The following SCOC variants were observed in gnomAD, a reference collection of about 807,000 sequenced individuals.
The protein encoded by SCOC is short coiled coil protein.
SCOC carries 7 observed loss-of-function variants against 9.9 expected under a neutral mutation model. The observed-to-expected ratio is 0.71, with a 90% CI of 0.40 to 1.33. SCOC has a LOEUF of 1.33. Among genes scored for constraint, SCOC ranks in the 40% most tolerant of loss-of-function variants. The pLI is 0.01. For missense variants in SCOC, 66 were observed against 89.7 expected (o/e 0.74, Z 1.07); for synonymous variants, 19 against 28.2 (o/e 0.67, Z 1.03).
intron 1 of SCOC, among the ~76,000 whole-genome samples, chr4:140,272,839 C>CG (rs1303074506): frequency 6.6e-6 from 1 of 152,120 alleles, no homozygotes; most frequent in Non-Finnish European, 1.5e-5. Context: ...GGGAAGGCTC[C>CG]GGTCTTCACT....
chr4:140,336,152 G>T (rs567985215), intron 1 of SCOC, among the ~76,000 whole-genome samples: 1 of 152,214 alleles, frequency 6.6e-6, no homozygotes, highest in African/African-American at 2.4e-5. Flanking sequence ...TTCATACTAT[G>T]TAGAGACAGG....
chr4:140,286,483 A>G (rs1731273189), intron 1 of SCOC, among the ~76,000 whole-genome samples: 1 of 152,188 alleles, frequency 6.6e-6, no homozygotes, highest in African/African-American at 2.4e-5. Context: ...GCAGCTTCCA[A>G]CAGATGAGAT....
At chr4:140,290,420 G>C (rs149122074) in intron 1 of SCOC, among the ~76,000 whole-genome samples, 22 of 152,180 alleles carry the variant, frequency 1.4e-4, no homozygotes, top group Non-Finnish European at 2.9e-4. Context: ...TGGGCTCCCT[G>C]TTCATGCAAC....
chr4:140,285,462 C>T (rs568287706), intron 1 of SCOC, among the ~76,000 whole-genome samples: 7 of 152,334 alleles, frequency 4.6e-5, no homozygotes, highest in African/African-American at 1.4e-4. Context: ...GGGCCAGTAT[C>T]TCAAAGACAA....
In SCOC at chr4:140,385,486, T is replaced by C. The variant is rs1040409040; in HGVS notation, c.*4382T>C. 6 of 152,306 alleles carry C rather than the reference T, an allele frequency of 3.9e-5. No individual in the cohort carries two copies. Among genetic ancestry groups the C allele is most frequent in the African/African-American group, 1.4e-4 (6 of 41,574 alleles). 9.4% of individuals were successfully genotyped at this position (152,306 alleles called of 1,614,324 possible). On this transcript the variant is annotated 3_prime_UTR_variant, in exon 4 of 4. Coordinates refer to ENST00000608372, the MANE Select transcript of SCOC (RefSeq NM_001153484.2). Reference sequence around the variant, plus strand: ...TCAGAGATTTTTGGTCATGGAATTGTAGCAACAAAACCTTTTGTAGAAGAG... The same window carrying C: ...TCAGAGATTTTTGGTCATGGAATTGCAGCAACAAAACCTTTTGTAGAAGAG...
chr4:140,359,764 G>T (rs1727382224), intron 2 of SCOC, among the ~76,000 whole-genome samples: 1 of 152,184 alleles, frequency 6.6e-6, no homozygotes, highest in South Asian at 2.1e-4. Context: ...TATGAGTGAG[G>T]CTCCTCAGGG....
chr4:140,271,477 A>G (rs1730844046), intron 1 of SCOC, among the ~76,000 whole-genome samples: 2 of 152,242 alleles, frequency 1.3e-5, no homozygotes, highest in South Asian at 4.1e-4. Flanking sequence ...ATGGATGTGC[A>G]AAAGGTTTGG....
chr4:140,317,854 C>G (rs1180090256), intron 1 of SCOC, among the ~76,000 whole-genome samples: 85 of 111,808 alleles, frequency 7.6e-4, no homozygotes, highest in Middle Eastern at 5.3e-3. Flanking sequence ...CCCCCTCCCC[C>G]CTCCCCACCA....
intron 1 of SCOC, among the ~76,000 whole-genome samples, chr4:140,300,690 C>G (rs1043475250): frequency 6.6e-6 from 1 of 152,240 alleles, no homozygotes; most frequent in African/African-American, 2.4e-5. Context: ...CAGGAAAGCA[C>G]TCACTTTGTT....
intron 1 of SCOC, among the ~76,000 whole-genome samples, chr4:140,275,599 G>A (rs1730960947): frequency 1.3e-5 from 2 of 152,152 alleles, no homozygotes; most frequent in Non-Finnish European, 2.9e-5. Context: ...TAACTTCTAG[G>A]AAGCAATCAG....
chr4:140,261,419 G>C (rs1730630199), intron 1 of SCOC, among the ~76,000 whole-genome samples: 1 of 152,200 alleles, frequency 6.6e-6, no homozygotes, highest in African/African-American at 2.4e-5. Context: ...CACTCTGTAA[G>C]GCATTTGCAG....
At chr4:140,309,334 AC>A (rs1481871235) in intron 1 of SCOC, among the ~76,000 whole-genome samples, 1 of 152,206 alleles carries the variant, frequency 6.6e-6, no homozygotes, top group Non-Finnish European at 1.5e-5. Context: ...AGAATGGAAG[AC>A]CCAAAGACAA....
At chr4:140,323,112 G>A (rs1732547719) in intron 1 of SCOC, among the ~76,000 whole-genome samples, 1 of 152,170 alleles carries the variant, frequency 6.6e-6, no homozygotes, top group Admixed American at 6.5e-5. Flanking sequence ...GATTCCCAGT[G>A]TTGAAGGTGG....
In SCOC at chr4:140,381,248, TAACA is replaced by T; in HGVS notation, c.*145_*148del. The T allele has an allele frequency of 1.4e-6, 1 of 718,482 alleles. No homozygotes were observed. The allele number at this position is 718,482 out of a possible 1,614,324, so 44.5% of individuals were successfully genotyped here. A position where few individuals can be genotyped will look rare whatever the true frequency, so the allele number is the denominator to read the frequency against. ...TCAGATGTAGACAAAAATAACACAATAACAGGAGACTTCCATAAGTTTGTGTATT... is the reference window on the plus strand; with the variant it reads ...TCAGATGTAGACAAAAATAACACAATGGAGACTTCCATAAGTTTGTGTATT... On this transcript the variant is annotated 3_prime_UTR_variant, in exon 4 of 4. Transcript: ENST00000608372.
At chr4:140,371,613 C>T (rs1348505176), upstream of SCOC, among the ~76,000 whole-genome samples, 1 of 152,180 alleles carries the variant, frequency 6.6e-6, no homozygotes, top group Non-Finnish European at 1.5e-5. Context: ...TATTCCTCAC[C>T]AGACATCTTT....
In SCOC at chr4:140,262,232, A is replaced by T. The variant is rs79761566; in HGVS notation, c.-19+4822A>T. ...TAGTGCCTCCGTGTTTGTTTTATTC[A>T]GGAAAAAAATGGAAGGAACTACAGA... On this transcript the variant is annotated intron_variant, in intron 1 of 4. Coordinates refer to the SCOC transcript ENST00000394205. Among the ~76,000 whole-genome samples, 1,282 of 152,296 alleles carry T rather than the reference A, an allele frequency of 8.4e-3. 15 individuals carry two copies. Among genetic ancestry groups the T allele is most frequent in the African/African-American group, 0.029 (1,189 of 41,542 alleles).
chr4:140,371,087 G>A (rs7680403), upstream of SCOC, among the ~76,000 whole-genome samples: 2,658 of 151,884 alleles, frequency 0.018, 77 homozygotes, highest in African/African-American at 0.061. Flanking sequence ...GGGTTTCACC[G>A]TGTTAGCCAG....
At chr4:140,268,835 C>T (rs536057687) in intron 1 of SCOC, among the ~76,000 whole-genome samples, 16 of 152,204 alleles carry the variant, frequency 1.1e-4, no homozygotes, top group South Asian at 1.0e-3. Flanking sequence ...TAGATTACAG[C>T]GGGAGAGAGA....
chr4:140,335,564 C>A (rs1333159943), intron 1 of SCOC, among the ~76,000 whole-genome samples: 1 of 152,106 alleles, frequency 6.6e-6, no homozygotes, highest in African/African-American at 2.4e-5. Context: ...GAAAGAGAAC[C>A]TTTTATACCA....
Sources: allele counts gnomAD v4.1 joint callset (sites outside exome capture counted in the v4.1 genomes callset), GRCh38; gene constraint gnomAD v4.1.1; transcripts MANE v1.5; gene names NCBI Gene and HGNC (gene_info 2026-07-23, HGNC 2026-07-21).